Variants in RBPMS2 observed in about 807,000 individuals in gnomAD.
The protein encoded by RBPMS2 is RNA binding protein, mRNA processing factor 2.
Under a neutral mutation model 25.7 loss-of-function variants are expected in RBPMS2, and 14 were observed. The ratio of observed to expected loss-of-function variants is 0.55; its 90% CI spans 0.36 to 0.85. The LOEUF is 0.85. Among genes scored for constraint, RBPMS2 ranks in the 40% least tolerant of loss-of-function variants. The pLI, the probability that RBPMS2 is intolerant of heterozygous loss-of-function variation, is 0.01. For missense variants in RBPMS2, 252 were observed against 283.4 expected (o/e 0.89, Z 0.80); for synonymous variants, 127 against 115.6 (o/e 1.10, Z -0.63).
At chr15:64,743,851 T>C (rs2083587942) in intron 6 of RBPMS2, among the ~76,000 whole-genome samples, 1 of 152,170 alleles carries the variant, frequency 6.6e-6, no homozygotes, top group Non-Finnish European at 1.5e-5. Context: ...ACGCCTGTAA[T>C]CCCAGCACTC....
chr15:64,764,433 T>C (rs938438058), intron 1 of RBPMS2, among the ~76,000 whole-genome samples: 4 of 152,216 alleles, frequency 2.6e-5, no homozygotes, highest in Non-Finnish European at 5.9e-5. Context: ...AGCCCATTAC[T>C]TGACGGAGGC....
intron 1 of RBPMS2, among the ~76,000 whole-genome samples, chr15:64,772,639 T>G (rs991934635): frequency 1.3e-5 from 2 of 152,126 alleles, no homozygotes; most frequent in Non-Finnish European, 2.9e-5. Context: ...CACTTATACA[T>G]GCGACTCCCT....
chr15:64,756,859 C>G (rs2039187970), intron 1 of RBPMS2, among the ~76,000 whole-genome samples: 1 of 150,366 alleles, frequency 6.7e-6, no homozygotes, highest in African/African-American at 2.4e-5. Flanking sequence ...AGGCTGGTCT[C>G]CTCACCTCAA....
At chr15:64,748,269 G>A (rs2083637452) in intron 6 of RBPMS2, 150 bp downstream of exon 6, 1 of 797,730 alleles carries the variant, frequency 1.3e-6, no homozygotes, top group Non-Finnish European at 1.9e-6. Flanking sequence ...AGGACAAATA[G>A]GTCCCTGGGG....
intron 2 of RBPMS2, among the ~76,000 whole-genome samples, chr15:64,751,331 C>A (rs1041250800): frequency 1.7e-5 from 1 of 57,722 alleles, no homozygotes; most frequent in Non-Finnish European, 6.0e-5. Flanking sequence ...AGACTCGTCT[C>A]GAGGAAAAAA....
chr15:64,742,090 G>A (rs34566328), intron 6 of RBPMS2, among the ~76,000 whole-genome samples: 44,088 of 152,126 alleles, frequency 0.29, 8,314 homozygotes, highest in Non-Finnish European at 0.42. Context: ...GCTCGAACCC[G>A]GGAGGCGGAG....
intron 1 of RBPMS2, among the ~76,000 whole-genome samples, chr15:64,761,383 G>A (rs1027776675): frequency 6.6e-6 from 1 of 152,176 alleles, no homozygotes; most frequent in African/African-American, 2.4e-5. Flanking sequence ...GGAAACCAGG[G>A]CCTAGGGGTC....
intron 6 of RBPMS2, 29 bp from the exon 7 acceptor site, chr15:64,741,271 G>T: frequency 6.4e-7 from 1 of 1,553,410 alleles, no homozygotes; most frequent in Non-Finnish European, 8.8e-7. Flanking sequence ...TCAGGAGCCA[G>T]CTGTGCATCC....
intron 1 of RBPMS2, among the ~76,000 whole-genome samples, chr15:64,770,959 C>T (rs1413411534): frequency 6.6e-6 from 1 of 152,192 alleles, no homozygotes; most frequent in African/African-American, 2.4e-5. Flanking sequence ...CTGTCCCAGC[C>T]ACACTGGGAT....
Position 64,775,360 on chromosome 15 carries a change from G to C in RBPMS2, c.-41C>G. ...GCGGCGGGAAGGAACGCGAGGGCGA[G>C]CGCGGCGCCGGCCCCGCGGGAAGTG... On this transcript the variant is annotated 5_prime_UTR_variant, in exon 1 of 8. Transcript: ENST00000300069. 8.6e-7 allele frequency: 1 copy of C among 1,164,080 alleles called. No individual in the cohort carries two copies. Among genetic ancestry groups the C allele is most frequent in the Non-Finnish European group, 1.1e-6 (1 of 924,410 alleles). The allele number at this position is 1,164,080 out of a possible 1,614,324, so 72.1% of individuals were successfully genotyped here. A position where few individuals can be genotyped will look rare whatever the true frequency, so the allele number is the denominator to read the frequency against.
chr15:64,744,602 G>A (rs6494491), intron 6 of RBPMS2, among the ~76,000 whole-genome samples: 10,368 of 30,694 alleles, frequency 0.34, 673 homozygotes, highest in East Asian at 0.5. Context: ...CAGAAGAGGT[G>A]CCCAGAAGTA....
At chr15:64,762,343 A>G in intron 1 of RBPMS2, 1 of 447,316 alleles carries the variant, frequency 2.2e-6, no homozygotes, top group Non-Finnish European at 4.4e-6. Context: ...CCCACTAGCT[A>G]TGGGGAGGTT....
At chr15:64,748,972 G>A in intron 5 of RBPMS2, 28 bp downstream of exon 5, 3 of 1,612,894 alleles carry the variant, frequency 1.9e-6, no homozygotes, top group Non-Finnish European at 2.5e-6. Context: ...AACTCCATGA[G>A]GGCCTGCCAG....
chr15:64,749,332 A>C, intron 4 of RBPMS2, 99 bp downstream of exon 4: 1 of 1,345,960 alleles, frequency 7.4e-7, no homozygotes, highest in South Asian at 1.2e-5. Context: ...AGTGTCGCCA[A>C]GGACTCTGCC....
At chr15:64,758,075 ATGTCC>A (rs1219847671) in intron 1 of RBPMS2, among the ~76,000 whole-genome samples, 1 of 152,246 alleles carries the variant, frequency 6.6e-6, no homozygotes, top group Non-Finnish European at 1.5e-5. Flanking sequence ...CAAATAACTC[ATGTCC>A]TGCCTATTCC....
chr15:64,742,368 G>C (rs565725942), intron 6 of RBPMS2, among the ~76,000 whole-genome samples: 3 of 152,310 alleles, frequency 2.0e-5, no homozygotes, highest in South Asian at 2.1e-4. Flanking sequence ...ACGTCAGGTG[G>C]GCGGCAGCTA....
intron 1 of RBPMS2, among the ~76,000 whole-genome samples, chr15:64,755,465 C>CCCAG (rs1282963807): frequency 6.6e-6 from 1 of 152,080 alleles, no homozygotes; most frequent in Non-Finnish European, 1.5e-5. Context: ...CATCTTAAAG[C>CCCAG]CCAGCCCCTT....
At position 64,755,583 on chromosome 15, in the gene RBPMS2, T is replaced by G. The variant is rs910860139; in HGVS notation, c.88-3945A>C. 1.4e-4 allele frequency among the ~76,000 whole-genome samples: 22 copies of G among 152,118 alleles called. 1 individual carries two copies. The highest frequency in any genetic ancestry group is 1.1e-3 in the Admixed American group (17 of 15,274). ...CTGAGACCAGGCACCCTGACTCTGC[T>G]GTTTGTGAGGGCAGGGGGAGCGGCA... On this transcript the variant is annotated intron_variant, in intron 1 of 7. Coordinates refer to ENST00000300069, the MANE Select transcript of RBPMS2 (RefSeq NM_194272.3).
chr15:64,765,878 A>G (rs2083841921), intron 1 of RBPMS2, among the ~76,000 whole-genome samples: 2 of 152,104 alleles, frequency 1.3e-5, no homozygotes. Flanking sequence ...CTGTAATCCC[A>G]GCTACTCAGG....
Sources: allele counts gnomAD v4.1 joint callset (sites outside exome capture counted in the v4.1 genomes callset), GRCh38; gene constraint gnomAD v4.1.1; transcripts MANE v1.5; gene names NCBI Gene and HGNC (gene_info 2026-07-23, HGNC 2026-07-21).